The following BCAR3 variants were observed in gnomAD, a reference collection of about 807,000 sequenced individuals.
BCAR3 encodes the protein BCAR3 adaptor protein, NSP family member.
A neutral mutation model predicts 80.1 loss-of-function variants in BCAR3; 37 were observed. The observed-to-expected ratio is 0.46, with a 90% CI of 0.36 to 0.61. BCAR3 has a LOEUF of 0.61. Among genes scored for constraint, BCAR3 ranks in the 20% least tolerant of loss-of-function variants. The probability of loss-of-function intolerance (pLI) is 0.00; values close to 1 mark genes in which losing one functional copy is unlikely to be tolerated. For synonymous variants in BCAR3, 389 were observed against 418.9 expected (o/e 0.93, Z 0.87); for missense variants, 978 against 1,068.2 (o/e 0.92, Z 1.18).
chr1:93,642,696 T>A (rs1298242139), intron 2 of BCAR3, among the ~76,000 whole-genome samples: 1 of 152,210 alleles, frequency 6.6e-6, no homozygotes. Flanking sequence ...TGTGGCACTT[T>A]CGGTCACTGG....
At chr1:93,735,178 C>T (rs1188552429) in intron 2 of BCAR3, among the ~76,000 whole-genome samples, 2 of 152,350 alleles carry the variant, frequency 1.3e-5, no homozygotes, top group African/African-American at 2.4e-5. Context: ...TTGGTGGATC[C>T]GGGCCTCTGG....
chr1:93,746,456 G>A (rs900510630), intron 2 of BCAR3, among the ~76,000 whole-genome samples: 1 of 152,168 alleles, frequency 6.6e-6, no homozygotes, highest in Non-Finnish European at 1.5e-5. Flanking sequence ...AGAGCTTCAT[G>A]GGTAGTTTAG....
rs972462436 is a variant in BCAR3, at chr1:93,725,508, T to G, written c.-62-19366A>C. Reference sequence around the variant, plus strand: ...GGTTGTTTGTCTATTTCTTTCTGATTTGTAGAAATCTTTTACATATTCTGG... The same window carrying G: ...GGTTGTTTGTCTATTTCTTTCTGATGTGTAGAAATCTTTTACATATTCTGG... On this transcript the variant is annotated intron_variant, in intron 2 of 13. Transcript: ENST00000370244. 5.9e-5 allele frequency among the ~76,000 whole-genome samples: 9 copies of G among 152,352 alleles called. No individual in the cohort carries two copies. The East Asian group carries it at 1.7e-3, about 29-fold the overall frequency.
At chr1:93,779,661 T>C (rs2100755809) in intron 2 of BCAR3, among the ~76,000 whole-genome samples, 1 of 152,328 alleles carries the variant, frequency 6.6e-6, no homozygotes, top group East Asian at 1.9e-4. Context: ...CCTGAGCCTC[T>C]TCCTTCAGCG....
chr1:93,787,911 A>G (rs1653007377), intron 2 of BCAR3, among the ~76,000 whole-genome samples: 1 of 152,174 alleles, frequency 6.6e-6, no homozygotes, highest in African/African-American at 2.4e-5. Context: ...TCAGTGGAGT[A>G]TTGAAGTCCC....
intron 3 of BCAR3, among the ~76,000 whole-genome samples, chr1:93,635,447 G>A (rs983226081): frequency 6.6e-6 from 1 of 151,962 alleles, no homozygotes; most frequent in African/African-American, 2.4e-5. Context: ...TAGACCTGAA[G>A]GATAAGATTC....
chr1:93,809,533 C>T (rs750683377), intron 2 of BCAR3, among the ~76,000 whole-genome samples: 23 of 151,788 alleles, frequency 1.5e-4, no homozygotes, highest in Non-Finnish European at 2.9e-4. Context: ...TTTGGGAGGC[C>T]GAGGTGGGCG....
chr1:93,728,149 C>T (rs1433759012), intron 2 of BCAR3, among the ~76,000 whole-genome samples: 1 of 152,238 alleles, frequency 6.6e-6, no homozygotes, highest in African/African-American at 2.4e-5. Flanking sequence ...GAATAAATTT[C>T]TATTGTTTTA....
chr1:93,836,129 G>A (rs1654758850), intron 2 of BCAR3, among the ~76,000 whole-genome samples: 2 of 152,090 alleles, frequency 1.3e-5, no homozygotes, highest in African/African-American at 4.8e-5. Flanking sequence ...CTTACCTCTT[G>A]CCCTTCTCAG....
intron 2 of BCAR3, among the ~76,000 whole-genome samples, chr1:93,660,581 G>C (rs1647602348): frequency 6.6e-6 from 1 of 152,208 alleles, no homozygotes; most frequent in African/African-American, 2.4e-5. Context: ...TGTGTGCTTA[G>C]ATTAGCAGGT....
intron 2 of BCAR3, chr1:93,775,291 G>A (rs1421003065): frequency 6.6e-6 from 1 of 152,234 alleles, no homozygotes; most frequent in Non-Finnish European, 1.5e-5. Context: ...GGTGTATCAA[G>A]CACTCTCAGC....
At chr1:93,705,488 C>G (rs1045372063) in intron 3 of BCAR3, among the ~76,000 whole-genome samples, 3 of 152,222 alleles carry the variant, frequency 2.0e-5, no homozygotes, top group Non-Finnish European at 4.4e-5. Flanking sequence ...CCCTAACACT[C>G]CCCTGTCAAA....
intron 2 of BCAR3, among the ~76,000 whole-genome samples, chr1:93,724,447 G>A (rs1296165024): frequency 2.6e-5 from 4 of 152,168 alleles, no homozygotes; most frequent in Non-Finnish European, 4.4e-5. Context: ...AGGAATAGAC[G>A]CCACCAAATT....
chr1:93,657,832 A>G (rs1488336924), intron 2 of BCAR3, among the ~76,000 whole-genome samples: 1 of 152,188 alleles, frequency 6.6e-6, no homozygotes, highest in Non-Finnish European at 1.5e-5. Flanking sequence ...AATTGCTTCA[A>G]CCTGAAAAGG....
chr1:93,783,286 A>G (rs1446540287), intron 2 of BCAR3, among the ~76,000 whole-genome samples: 2 of 152,206 alleles, frequency 1.3e-5, no homozygotes, highest in Non-Finnish European at 2.9e-5. Flanking sequence ...ATATTTAGCA[A>G]CATCCATAGC....
At chr1:93,581,041 G>A (rs908252919) in intron 7 of BCAR3, among the ~76,000 whole-genome samples, 1 of 152,042 alleles carries the variant, frequency 6.6e-6, no homozygotes, top group Non-Finnish European at 1.5e-5. Flanking sequence ...ATGCGCCTGT[G>A]GTCCCAGCTA....
chr1:93,804,080 G>GT (rs1371011183), intron 2 of BCAR3, among the ~76,000 whole-genome samples: 11 of 152,200 alleles, frequency 7.2e-5, no homozygotes, highest in African/African-American at 2.7e-4. Context: ...GGAGGCTGAG[G>GT]TGGGAGGATG....
intron 2 of BCAR3, among the ~76,000 whole-genome samples, chr1:93,762,859 T>G (rs1652001542): frequency 6.6e-6 from 1 of 152,054 alleles, no homozygotes; most frequent in Non-Finnish European, 1.5e-5. Context: ...GTCCCCTCCA[T>G]TCCACCTCAA....
intron 2 of BCAR3, among the ~76,000 whole-genome samples, chr1:93,662,112 C>T (rs548653518): frequency 3.1e-4 from 47 of 152,348 alleles, no homozygotes; most frequent in African/African-American, 1.1e-3. Context: ...CACTGCTCTG[C>T]AGTCAGGGGC....
Sources: allele counts gnomAD v4.1 joint callset (sites outside exome capture counted in the v4.1 genomes callset), GRCh38; gene constraint gnomAD v4.1.1; transcripts MANE v1.5; gene names NCBI Gene and HGNC (gene_info 2026-07-23, HGNC 2026-07-21).